FHAD1: variants seen among roughly 807,000 people sequenced by gnomAD.
FHAD1 encodes the protein forkhead-associated domain-containing protein 1.
FHAD1 carries 146 observed loss-of-function variants against 191.3 expected under a neutral mutation model. The observed-to-expected ratio is 0.76, with a 90% CI of 0.67 to 0.88. FHAD1 has a LOEUF of 0.88. FHAD1 is among the 40% of genes least tolerant of loss of function. The pLI is 0.00. For synonymous variants in FHAD1, 616 were observed against 672.3 expected, an observed-to-expected ratio of 0.92 and a Z score of 1.29; for missense variants, 1,635 against 1,785.8, an observed-to-expected ratio of 0.92 and a Z score of 1.52.
At position 15,311,318 on chromosome 1, in the gene FHAD1, C is replaced by T. The variant is rs912664501; in HGVS notation, c.1040-1739C>T. ...TCAGCAGAGTCAGGTGTGATGAGCACGTGCATGTGGGCAGGGAAGGAACCA... is the reference window on the plus strand; with the variant it reads ...TCAGCAGAGTCAGGTGTGATGAGCATGTGCATGTGGGCAGGGAAGGAACCA... On this transcript the variant is annotated intron_variant, in intron 7 of 33. Transcript: ENST00000688493. The surrounding 1 kb of genome is among the most constrained non-coding windows in gnomAD (Gnocchi z 4.1). 1.3e-5 allele frequency among the ~76,000 whole-genome samples: 2 copies of T among 152,134 alleles called. No homozygotes were observed. The highest frequency in any genetic ancestry group is 2.9e-5 in the Non-Finnish European group (2 of 68,026).
At position 15,289,630 on chromosome 1, in the gene FHAD1, G is replaced by C; in HGVS notation, c.532G>C (p.Val178Leu). Reference protein sequence around the residue: ...SANKEMFSFVVDDARKPPVIK... With the variant: ...SANKEMFSFVLDDARKPPVIK... ...CAACAAGGAGATGTTCTCGTTCGTG[G>C]TGGACGACGCCCGCAAGCCACCCGT... The change falls in exon 4 of 34, where the codon GTG (valine) becomes CTG (leucine). Residue 178 changes from valine (V) to leucine (L), a missense_variant. Val to Leu is a conservative substitution (Grantham distance 32). Coordinates refer to ENST00000688493, the MANE Select transcript of FHAD1 (RefSeq NM_001391957.1). This position sits in a 1 kb window ranked among gnomAD's most constrained non-coding sequence, Gnocchi z 4.2. The C allele has an allele frequency of 6.4e-7, 1 of 1,551,160 alleles. No individual in the cohort carries two copies. Among genetic ancestry groups the C allele is most frequent in the Non-Finnish European group, 8.7e-7 (1 of 1,146,494 alleles).
chr1:15,306,661 G>C (rs1670594378), intron 6 of FHAD1, among the ~76,000 whole-genome samples: 1 of 152,244 alleles, frequency 6.6e-6, no homozygotes, highest in African/African-American at 2.4e-5. Context: ...TAGAGCTTGG[G>C]CTGTGGCTTC....
At chr1:15,254,308 G>A (rs1247059468) in intron 2 of FHAD1, among the ~76,000 whole-genome samples, 2 of 152,168 alleles carry the variant, frequency 1.3e-5, no homozygotes, top group African/African-American at 2.4e-5. Context: ...CTCTTAGACC[G>A]TTTTCTGGCT....
intron 3 of FHAD1, among the ~76,000 whole-genome samples, chr1:15,286,375 C>T (rs754972448): frequency 1.3e-5 from 2 of 151,782 alleles, no homozygotes; most frequent in East Asian, 1.9e-4. Context: ...TTGTGGCCTG[C>T]GTCTATAGTC....
At chr1:15,242,696 A>G (rs1645531452), upstream of FHAD1, among the ~76,000 whole-genome samples, 1 of 152,216 alleles carries the variant, frequency 6.6e-6, no homozygotes, top group Non-Finnish European at 1.5e-5. Flanking sequence ...ATATGAGACT[A>G]GTCATCCAGA....
At chr1:15,237,625 C>T (rs58636266) in intron 1 of FHAD1, among the ~76,000 whole-genome samples, 51,123 of 151,970 alleles carry the variant, frequency 0.34, 9,152 homozygotes, top group East Asian at 0.65. Flanking sequence ...TTCTTGACAA[C>T]GATTCAAATT....
chr1:15,324,514 CAG>C lies in FHAD1; in HGVS notation c.1435_1436del (p.Ser479ArgfsTer3). 1 of 1,552,088 alleles carries C rather than the reference CAG, an allele frequency of 6.4e-7. No homozygotes were observed. Among genetic ancestry groups the C allele is most frequent in the Non-Finnish European group, 8.7e-7 (1 of 1,147,058 alleles). Reference protein sequence around the residue: ...KLLQLQEMGNRESVIKINLER... With the variant: ...KLLQLQEMGNXESVIKINLER... ...TGCTTCAGCTGCAAGAAATGGGGAA[CAG>C]AGAGAGCGTCATTAAAATCAATTTG... On this transcript the variant is annotated frameshift_variant, in exon 11 of 34. Transcript: ENST00000688493. LOFTEE classifies it high-confidence loss of function.
In FHAD1 at chr1:15,266,132, C is replaced by T. The variant is rs189184251; in HGVS notation, c.94-6191C>T. Among the ~76,000 whole-genome samples, 174 of 152,114 alleles carry T rather than the reference C, an allele frequency of 1.1e-3. 1 individual carries two copies. Among genetic ancestry groups the T allele is most frequent in the Non-Finnish European group, 2.6e-4 (18 of 67,982 alleles). ...TTATTTTTGTGTGTTTGTTTTGAGA[C>T]AGGGTCTCGCTCTGTTGCCCAGGCT... On this transcript the variant is annotated intron_variant, in intron 2 of 33. Transcript: ENST00000688493.
intron 16 of FHAD1, 155 bp downstream of exon 16, chr1:15,342,043 G>A (rs113399198): frequency 6.5e-6 from 4 of 614,966 alleles, no homozygotes; most frequent in African/African-American, 5.7e-5. Flanking sequence ...TAATTGGGGA[G>A]GATTTAACAT....
chr1:15,268,354 A>C (rs1193524564), intron 2 of FHAD1, among the ~76,000 whole-genome samples: 7 of 151,566 alleles, frequency 4.6e-5, no homozygotes, highest in South Asian at 2.1e-4. Flanking sequence ...CATAGTATTC[A>C]ATGGTGTATA....
At chr1:15,320,314 G>A (rs546454341) in intron 10 of FHAD1, among the ~76,000 whole-genome samples, 1 of 152,230 alleles carries the variant, frequency 6.6e-6, no homozygotes, top group East Asian at 1.9e-4. Context: ...AGAAGAATAC[G>A]CATCCTGCAG....
intron 6 of FHAD1, among the ~76,000 whole-genome samples, chr1:15,303,720 G>A (rs571154190): frequency 7.4e-4 from 113 of 152,082 alleles, no homozygotes; most frequent in Middle Eastern, 6.8e-3. Context: ...GTGATGGTGC[G>A]TGCCTGTAAT....
chr1:15,371,281 A>C (rs1166630810), intron 26 of FHAD1, among the ~76,000 whole-genome samples: 1 of 152,224 alleles, frequency 6.6e-6, no homozygotes, highest in Non-Finnish European at 1.5e-5. Flanking sequence ...GACTCTGTGC[A>C]CGTCTGTTGG....
intron 6 of FHAD1, among the ~76,000 whole-genome samples, chr1:15,307,483 C>T (rs1384350844): frequency 6.6e-6 from 1 of 152,102 alleles, no homozygotes; most frequent in Non-Finnish European, 1.5e-5. Context: ...GGCTGTGTCT[C>T]CACCAAATCT....
intron 4 of FHAD1, 97 bp from the exon 5 acceptor site, chr1:15,296,586 TG>T: frequency 2.7e-6 from 3 of 1,101,314 alleles, no homozygotes; most frequent in Non-Finnish European, 4.1e-6. Flanking sequence ...TATCAATCTC[TG>T]GGGGGAAACA....
At chr1:15,389,967 C>T (rs1188577267) in intron 32 of FHAD1, among the ~76,000 whole-genome samples, 1 of 152,190 alleles carries the variant, frequency 6.6e-6, no homozygotes, top group South Asian at 2.1e-4. Flanking sequence ...CACTGAGCAC[C>T]AGCTAGATGC....
At chr1:15,326,888 CTGTGGG>C in intron 11 of FHAD1, 165 bp from the exon 12 acceptor site, 2 of 584,608 alleles carry the variant, frequency 3.4e-6, no homozygotes. Flanking sequence ...CTCTTTTCTT[CTGTGGG>C]TCCCGCCACT....
At chr1:15,386,339 T>C (rs1014889270) in intron 31 of FHAD1, among the ~76,000 whole-genome samples, 2 of 152,238 alleles carry the variant, frequency 1.3e-5, no homozygotes, top group Non-Finnish European at 2.9e-5. Context: ...CCGAGACTTT[T>C]TCCCGGGTCC....
intron 2 of FHAD1, among the ~76,000 whole-genome samples, chr1:15,259,416 C>T (rs900856083): frequency 2.0e-5 from 3 of 152,120 alleles, no homozygotes; most frequent in Non-Finnish European, 4.4e-5. Context: ...CACATCTAGT[C>T]GGGGACGGTG....
Sources: gnomAD v4.1 joint callset for allele counts (sites outside exome capture counted in the v4.1 genomes callset) on GRCh38, gnomAD v4.1.1 for gene constraint, Gnocchi (gnomAD v3.1) non-coding constraint, MANE v1.5 for transcripts, NCBI Gene and HGNC (gene_info 2026-07-23, HGNC 2026-07-21) for gene names.